The following DIPK1A variants were observed in gnomAD, a reference collection of about 807,000 sequenced individuals.
The protein encoded by DIPK1A is family with sequence similarity 69 member A.
A neutral mutation model predicts 40.8 loss-of-function variants in DIPK1A; 27 were observed. The ratio of observed to expected loss-of-function variants is 0.66; its 90% CI spans 0.49 to 0.91. The LOEUF is 0.91. DIPK1A is among the 40% of genes least tolerant of loss of function. The probability of loss-of-function intolerance (pLI) is 0.00; values close to 1 mark genes in which losing one functional copy is unlikely to be tolerated. For missense variants in DIPK1A, 412 were observed against 505.7 expected (o/e 0.81, Z 1.78); for synonymous variants, 166 against 171.3 (o/e 0.97, Z 0.24).
chr1:92,840,832 C>CT, downstream of DIPK1A: 1 of 707,252 alleles, frequency 1.4e-6, no homozygotes, highest in South Asian at 1.4e-5. Flanking sequence ...TGAGGTGGTT[C>CT]TTTCTATCCT....
chr1:92,871,988 A>G (rs2100767472), intron 2 of DIPK1A, among the ~76,000 whole-genome samples: 1 of 142,852 alleles, frequency 7.0e-6, no homozygotes, highest in Middle Eastern at 3.6e-3. Flanking sequence ...CCAGAAGTGG[A>G]TTTACTGGAT....
chr1:92,907,632 G>A (rs1400119978), intron 1 of DIPK1A, among the ~76,000 whole-genome samples: 1 of 151,924 alleles, frequency 6.6e-6, no homozygotes, highest in Admixed American at 6.6e-5. Flanking sequence ...TAGAGACAGG[G>A]TCTTGCTATG....
chr1:92,954,649 ACAGACGTGAGCCT>A (rs929813103), intron 1 of DIPK1A, among the ~76,000 whole-genome samples: 4 of 152,250 alleles, frequency 2.6e-5, no homozygotes, highest in Middle Eastern at 6.8e-3. Context: ...TGCTGGGATT[ACAGACGTGAGCCT>A]CCGTGCCCAG....
At chr1:92,895,970 G>A (rs1649146334) in intron 1 of DIPK1A, among the ~76,000 whole-genome samples, 1 of 152,046 alleles carries the variant, frequency 6.6e-6, no homozygotes, top group Non-Finnish European at 1.5e-5. Flanking sequence ...CCTCTTCAAG[G>A]AGAATTACAA....
chr1:92,832,961 C>G, exon 5 of DIPK1A: 1 of 719,172 alleles, frequency 1.4e-6, no homozygotes, highest in Non-Finnish European at 2.5e-6. Flanking sequence ...TCCGAACAAA[C>G]CGACGTTTGG....
At chr1:92,837,552 G>A, downstream of DIPK1A, 1 of 1,612,116 alleles carries the variant, frequency 6.2e-7, no homozygotes, top group East Asian at 2.2e-5. Context: ...CAGATTACAT[G>A]CGCTACTTAA....
intron 1 of DIPK1A, among the ~76,000 whole-genome samples, chr1:92,903,189 G>T (rs78357409): frequency 0.15 from 23,110 of 152,000 alleles, 2,211 homozygotes; most frequent in South Asian, 0.25. Flanking sequence ...GGGACTACAG[G>T]CACACACCAC....
At chr1:92,930,963 C>T (rs1388151946) in intron 1 of DIPK1A, 2 of 152,170 alleles carry the variant, frequency 1.3e-5, no homozygotes, top group African/African-American at 2.4e-5. Context: ...TTACTTTTCC[C>T]ACTAGACTAC....
downstream of DIPK1A, among the ~76,000 whole-genome samples, chr1:92,839,093 C>A (rs930032518): frequency 3.5e-5 from 5 of 144,540 alleles, no homozygotes; most frequent in Admixed American, 3.6e-4. Flanking sequence ...GGCATGGTGG[C>A]TCACGCCTGT....
chr1:92,840,518 A>C (rs577883750), downstream of DIPK1A: 1 of 1,531,694 alleles, frequency 6.5e-7, no homozygotes, highest in Admixed American at 1.7e-5. Context: ...ACATGAAATG[A>C]AACCAAGTAC....
downstream of DIPK1A, chr1:92,840,649 CTT>C (rs747509136): frequency 3.2e-6 from 5 of 1,573,254 alleles, no homozygotes; most frequent in South Asian, 2.2e-5. Flanking sequence ...GGTATGTCGT[CTT>C]TTTTTTTGTC....
intron 2 of DIPK1A, among the ~76,000 whole-genome samples, chr1:92,860,646 A>AAAAAAAATAGCCAGGGG (rs148916481): frequency 9.5e-6 from 1 of 105,212 alleles, no homozygotes; most frequent in African/African-American, 3.7e-5. Context: ...AAAAAAAAAA[A>AAAAAAAATAGCCAGGGG]TGGTGGTGTG....
intron 1 of DIPK1A, among the ~76,000 whole-genome samples, chr1:92,896,256 A>T (rs1262454228): frequency 2.6e-5 from 4 of 152,212 alleles, no homozygotes; most frequent in Non-Finnish European, 4.4e-5. Context: ...TTCAAACTAT[A>T]CTACAAGGCT....
chr1:92,867,097 C>T (rs535256273), intron 2 of DIPK1A, among the ~76,000 whole-genome samples: 2 of 152,144 alleles, frequency 1.3e-5, no homozygotes, highest in Non-Finnish European at 2.9e-5. Flanking sequence ...ATCCTTACGA[C>T]CACCTGATAT....
chr1:92,924,552 A>T (rs1270445683), intron 1 of DIPK1A, among the ~76,000 whole-genome samples: 1 of 137,988 alleles, frequency 7.2e-6, no homozygotes, highest in Non-Finnish European at 1.6e-5. Flanking sequence ...CCTTGCCTCT[A>T]GTGGACAAGG....
intron 2 of DIPK1A, among the ~76,000 whole-genome samples, chr1:92,870,510 G>A (rs1333954470): frequency 6.6e-6 from 1 of 152,216 alleles, no homozygotes; most frequent in Non-Finnish European, 1.5e-5. Context: ...ACAGGCGTGA[G>A]CCACTGCGCC....
downstream of DIPK1A, chr1:92,837,210 G>A (rs1687164180): frequency 2.7e-5 from 18 of 663,390 alleles, no homozygotes; most frequent in South Asian, 2.5e-4. Context: ...ATTTTGTAGT[G>A]GTGGAAAGCC....
At chr1:92,957,197 T>C (rs1469527294) in intron 1 of DIPK1A, among the ~76,000 whole-genome samples, 1 of 152,226 alleles carries the variant, frequency 6.6e-6, no homozygotes, top group Non-Finnish European at 1.5e-5. Flanking sequence ...GATCTTAGTT[T>C]GTAGAAAACA....
chr1:92,954,430 T>A (rs1022328573), intron 1 of DIPK1A, among the ~76,000 whole-genome samples: 2 of 127,280 alleles, frequency 1.6e-5, no homozygotes, highest in Admixed American at 1.0e-4. Flanking sequence ...CAGACTGGAG[T>A]GCAGTGGCGT....
Sources: allele counts gnomAD v4.1 joint callset (sites outside exome capture counted in the v4.1 genomes callset), GRCh38; gene constraint gnomAD v4.1.1; transcripts MANE v1.5; gene names NCBI Gene and HGNC (gene_info 2026-07-23, HGNC 2026-07-21).